STRIP2: variants seen among roughly 807,000 people sequenced by gnomAD.
The protein encoded by STRIP2 is striatin-interacting protein 2.
In STRIP2, 84 loss-of-function variants were observed where a neutral mutation model predicts 107.1. The observed-to-expected ratio is 0.78, with a 90% CI of 0.66 to 0.94. The LOEUF (loss-of-function observed/expected upper bound fraction) is 0.94. STRIP2 is among the 40% of genes least tolerant of loss of function. STRIP2 has a pLI of 0.00. For synonymous variants in STRIP2, 394 were observed against 400.4 expected, an observed-to-expected ratio of 0.98 and a Z score of 0.19; for missense variants, 888 against 1,034.2, an observed-to-expected ratio of 0.86 and a Z score of 1.94.
At chr7:129,477,141 GCT>G (rs1798983223) in intron 18 of STRIP2, among the ~76,000 whole-genome samples, 2 of 147,408 alleles carry the variant, frequency 1.4e-5, no homozygotes, top group Non-Finnish European at 3.0e-5. Flanking sequence ...TCCAGCTTCC[GCT>G]CGGCATCAGA....
intron 19 of STRIP2, among the ~76,000 whole-genome samples, chr7:129,481,490 C>T (rs1405088224): frequency 6.6e-6 from 1 of 151,570 alleles, no homozygotes; most frequent in Non-Finnish European, 1.5e-5. Context: ...GAGTGAGACT[C>T]CGTCTCAAAA....
chr7:129,477,877 G>A (rs1799012520), intron 18 of STRIP2: 4 of 493,872 alleles, frequency 8.1e-6, no homozygotes, highest in South Asian at 4.7e-5. Flanking sequence ...TAGACACCAT[G>A]AGCAAAGCTC....
intron 13 of STRIP2, among the ~76,000 whole-genome samples, chr7:129,462,715 T>C (rs1798573315): frequency 6.6e-6 from 1 of 152,200 alleles, no homozygotes; most frequent in African/African-American, 2.4e-5. Context: ...CTGTAGCATC[T>C]GTTCCAGTAT....
At chr7:129,480,921 C>T in intron 19 of STRIP2, 32 bp downstream of exon 19, 1 of 1,542,070 alleles carries the variant, frequency 6.5e-7, no homozygotes, top group Non-Finnish European at 8.9e-7. Flanking sequence ...ATGGAGTTGT[C>T]CATCTGACTG....
At chr7:129,476,413 T>C (rs950541967) in intron 18 of STRIP2, among the ~76,000 whole-genome samples, 1 of 142,902 alleles carries the variant, frequency 7.0e-6, no homozygotes, top group African/African-American at 2.6e-5. Flanking sequence ...GCTCCTCACT[T>C]CTCAGACGGG....
intron 4 of STRIP2, 31 bp from the exon 5 acceptor site, chr7:129,453,196 C>T (rs1330547570): frequency 6.2e-7 from 1 of 1,613,368 alleles, no homozygotes; most frequent in African/African-American, 1.3e-5. Context: ...TGCCACCCCT[C>T]AACCCCTGTA....
chr7:129,486,571 A>C lies in STRIP2; in HGVS notation c.*742A>C, dbSNP rs1278030478. ...ATTAGGTCCTCTCTAAGGATGTTTC[A>C]TGTTTTTCTTAAATGACTCCAGTCT... On this transcript the variant is annotated 3_prime_UTR_variant, in exon 21 of 21. Transcript: ENST00000249344. 6.6e-6 allele frequency: 1 copy of C among 152,204 alleles called. No homozygotes were observed. The highest frequency in any genetic ancestry group is 1.9e-4 in the East Asian group (1 of 5,198). 9.4% of individuals were successfully genotyped at this position (152,204 alleles called of 1,614,324 possible).
chr7:129,444,028 G>C lies in STRIP2; in HGVS notation c.204G>C (p.Leu68Phe). The change falls in exon 3 of 21, where the codon TTG (leucine) becomes TTC (phenylalanine). Residue 68 changes from leucine to phenylalanine, a missense_variant. Physicochemically the swap from Leu to Phe is conservative, Grantham distance 22. Coordinates refer to ENST00000249344, the MANE Select transcript of STRIP2 (RefSeq NM_020704.3). ...ADGHAAELSE[L>F]YSYTENLEFT... ...GTTCTGTCTTTCCTGCCACAGAATTGTATAGTTACACTGAGAACCTGGAAT... is the reference window on the plus strand; with the variant it reads ...GTTCTGTCTTTCCTGCCACAGAATTCTATAGTTACACTGAGAACCTGGAAT... The C allele has an allele frequency of 6.2e-7, 1 of 1,613,024 alleles. No homozygotes were observed. Among genetic ancestry groups the C allele is most frequent in the South Asian group, 1.1e-5 (1 of 91,030 alleles).
At chr7:129,465,309 C>A (rs568836658) in intron 16 of STRIP2, among the ~76,000 whole-genome samples, 3 of 152,084 alleles carry the variant, frequency 2.0e-5, no homozygotes, top group African/African-American at 7.2e-5. Context: ...CCTAAAAAAA[C>A]AGATGTTAGC....
chr7:129,471,624 T>C (rs1382595787), intron 18 of STRIP2, among the ~76,000 whole-genome samples: 1 of 152,194 alleles, frequency 6.6e-6, no homozygotes, highest in African/African-American at 2.4e-5. Context: ...ACAATCTCTG[T>C]GGTACAGGTT....
chr7:129,464,360 C>T (rs1451467119), intron 15 of STRIP2, among the ~76,000 whole-genome samples: 3 of 151,990 alleles, frequency 2.0e-5, no homozygotes, highest in Non-Finnish European at 4.4e-5. Flanking sequence ...CAGCGACTGG[C>T]TGCCCAGGTA....
intron 19 of STRIP2, among the ~76,000 whole-genome samples, chr7:129,481,386 A>C (rs890028296): frequency 1.3e-5 from 2 of 151,984 alleles, no homozygotes; most frequent in Non-Finnish European, 2.9e-5. Context: ...AGTCCCAGCT[A>C]CTCGGGAGGC....
chr7:129,482,333 T>TTC (rs61017071), intron 19 of STRIP2, among the ~76,000 whole-genome samples: 12,260 of 86,276 alleles, frequency 0.14, 1,500 homozygotes, highest in Non-Finnish European at 0.2. Context: ...AATGGAATAG[T>TTC]TCTCTCTCTC....
intron 1 of STRIP2, among the ~76,000 whole-genome samples, chr7:129,439,387 A>C (rs1197682565): frequency 6.6e-6 from 1 of 152,216 alleles, no homozygotes; most frequent in African/African-American, 2.4e-5. Context: ...GTATGAACAT[A>C]TACAGGAAGG....
chr7:129,455,194 T>C, intron 7 of STRIP2, 50 bp from the exon 8 acceptor site: 1 of 1,568,114 alleles, frequency 6.4e-7, no homozygotes, highest in Non-Finnish European at 8.6e-7. Flanking sequence ...TGAAAAAGGT[T>C]TTAGCTGCCT....
At chr7:129,459,632 T>C in intron 12 of STRIP2, 52 bp downstream of exon 12, 1 of 1,490,572 alleles carries the variant, frequency 6.7e-7, no homozygotes, top group East Asian at 2.3e-5. Context: ...TCAAAGCAGG[T>C]CAGATTACCA....
intron 6 of STRIP2, 37 bp from the exon 7 acceptor site, chr7:129,454,383 TG>T: frequency 6.4e-7 from 1 of 1,560,214 alleles, no homozygotes; most frequent in South Asian, 1.1e-5. Context: ...GGCTGGGAAT[TG>T]CCTTGGGAAC....
chr7:129,458,632 T>C lies in STRIP2; in HGVS notation c.1275-80T>C. ...TGCTCCAGTCCTCTGATTGGAGGGATAGGAGCCCGGAAAGTTTTTCTCTCT... is the reference window on the plus strand; with the variant it reads ...TGCTCCAGTCCTCTGATTGGAGGGACAGGAGCCCGGAAAGTTTTTCTCTCT... On this transcript the variant is annotated intron_variant, in intron 10 of 20. Transcript: ENST00000249344. This position sits in a 1 kb window ranked among gnomAD's most constrained non-coding sequence, Gnocchi z 4.6. 6.7e-7 allele frequency: 1 copy of C among 1,491,786 alleles called. No individual in the cohort carries two copies. The highest frequency in any genetic ancestry group is 2.3e-5 in the East Asian group (1 of 44,238). The allele number at this position is 1,491,786 out of a possible 1,614,324, so 92.4% of individuals were successfully genotyped here. A position where few individuals can be genotyped will look rare whatever the true frequency, so the allele number is the denominator to read the frequency against.
intron 1 of STRIP2, among the ~76,000 whole-genome samples, chr7:129,436,866 A>G (rs1480423927): frequency 6.6e-6 from 1 of 152,108 alleles, no homozygotes; most frequent in African/African-American, 2.4e-5. Flanking sequence ...CCAACCTAAA[A>G]AGGAAGCTAA....
Sources: gnomAD v4.1 joint callset for allele counts (sites outside exome capture counted in the v4.1 genomes callset) on GRCh38, gnomAD v4.1.1 for gene constraint, Gnocchi (gnomAD v3.1) non-coding constraint, MANE v1.5 for transcripts, NCBI Gene and HGNC (gene_info 2026-07-23, HGNC 2026-07-21) for gene names.